ARHGAP15: variants seen among roughly 807,000 people sequenced by gnomAD.
The protein encoded by ARHGAP15 is rho GTPase-activating protein 15.
ARHGAP15 carries 51 observed loss-of-function variants against 63.7 expected under a neutral mutation model. The observed-to-expected ratio is 0.80, with a 90% CI of 0.64 to 1.01. The LOEUF is 1.01. Ranked by LOEUF, ARHGAP15 falls within the 50% of genes least tolerant of loss-of-function variation. The pLI is 0.00. For synonymous variants in ARHGAP15, 191 were observed against 193.8 expected (o/e 0.99, Z 0.12); for missense variants, 560 against 564.6 (o/e 0.99, Z 0.08).
At chr2:143,176,587 T>C (rs1318941637) in intron 2 of ARHGAP15, among the ~76,000 whole-genome samples, 1 of 152,170 alleles carries the variant, frequency 6.6e-6, no homozygotes, top group African/African-American at 2.4e-5. Context: ...CTAAGAATAA[T>C]CATGTACTGC....
intron 6 of ARHGAP15, among the ~76,000 whole-genome samples, chr2:143,414,650 C>T (rs1431984912): frequency 2.0e-5 from 3 of 152,150 alleles, no homozygotes; most frequent in African/African-American, 7.2e-5. Context: ...ATATGAAAAA[C>T]AGGCAGGGCA....
chr2:143,742,683 G>A (rs1379575916), intron 13 of ARHGAP15, among the ~76,000 whole-genome samples: 1 of 152,208 alleles, frequency 6.6e-6, no homozygotes, highest in Admixed American at 6.5e-5. Flanking sequence ...AGTGATGACT[G>A]AGGTGTTTTG....
At chr2:143,428,652 C>G (rs981794770) in intron 6 of ARHGAP15, among the ~76,000 whole-genome samples, 12 of 152,040 alleles carry the variant, frequency 7.9e-5, no homozygotes, top group African/African-American at 2.9e-4. Context: ...CATAATGTTT[C>G]CTCGTGGGTC....
chr2:143,285,890 C>T (rs1682071400), intron 6 of ARHGAP15, among the ~76,000 whole-genome samples: 1 of 152,072 alleles, frequency 6.6e-6, no homozygotes, highest in African/African-American at 2.4e-5. Context: ...AAACATCAAA[C>T]CATTATATAC....
intron 6 of ARHGAP15, among the ~76,000 whole-genome samples, chr2:143,288,622 CTTTT>C (rs35206838): frequency 6.9e-6 from 1 of 145,084 alleles, no homozygotes; most frequent in Non-Finnish European, 1.5e-5. Context: ...CCTCGGGACA[CTTTT>C]TTTTTTTTTG....
At chr2:143,596,302 G>T in intron 11 of ARHGAP15, among the ~76,000 whole-genome samples, 1 of 152,064 alleles carries the variant, frequency 6.6e-6, no homozygotes, top group Non-Finnish European at 1.5e-5. Context: ...AAAACGTGCT[G>T]CTGGAATTAA....
chr2:143,175,125 T>TA (rs1690963076), intron 2 of ARHGAP15, among the ~76,000 whole-genome samples: 1 of 152,098 alleles, frequency 6.6e-6, no homozygotes, highest in South Asian at 2.1e-4. Flanking sequence ...CACAGAGGGT[T>TA]AAAAAATAGC....
At chr2:143,170,567 A>G (rs1180431619) in intron 2 of ARHGAP15, among the ~76,000 whole-genome samples, 1 of 152,074 alleles carries the variant, frequency 6.6e-6, no homozygotes, top group Non-Finnish European at 1.5e-5. Context: ...TACTGCATGC[A>G]TTTGTGGATA....
In ARHGAP15 at chr2:143,373,696, T is replaced by A. The variant is rs1055330817; in HGVS notation, c.475-61905T>A. Among the ~76,000 whole-genome samples, 7 of 137,820 alleles carry A rather than the reference T, an allele frequency of 5.1e-5. No individual in the cohort carries two copies. The Admixed American group carries it at 5.1e-4, about 10-fold the overall frequency. 90.4% of individuals were successfully genotyped at this position (137,820 alleles called of 152,430 possible). A position where few individuals can be genotyped will look rare whatever the true frequency, so the allele number is the denominator to read the frequency against. On this transcript the variant is annotated intron_variant, in intron 6 of 13. Coordinates refer to ENST00000295095, the MANE Select transcript of ARHGAP15 (RefSeq NM_018460.4). ...TCTCAAGCAATATGGAATGGCAAGA[T>A]GAAAGAGCAATTACTTTTGTTGGTA...
intron 9 of ARHGAP15, among the ~76,000 whole-genome samples, chr2:143,507,901 C>A (rs1455872735): frequency 6.6e-6 from 1 of 152,084 alleles, no homozygotes; most frequent in Non-Finnish European, 1.5e-5. Context: ...CTTACCCAAG[C>A]ACCATCATCT....
At chr2:143,431,825 C>T (rs1037052815) in intron 6 of ARHGAP15, among the ~76,000 whole-genome samples, 1 of 151,974 alleles carries the variant, frequency 6.6e-6, no homozygotes, top group African/African-American at 2.4e-5. Context: ...GTCATGAACG[C>T]ATCCTCTCTA....
chr2:143,471,117 A>G (rs1010217678), intron 8 of ARHGAP15, among the ~76,000 whole-genome samples: 1 of 148,330 alleles, frequency 6.7e-6, no homozygotes, highest in Non-Finnish European at 1.5e-5. Flanking sequence ...ATATACACAC[A>G]TATACACATA....
intron 10 of ARHGAP15, among the ~76,000 whole-genome samples, chr2:143,534,548 C>CGT: frequency 2.0e-5 from 1 of 49,668 alleles, no homozygotes; most frequent in Non-Finnish European, 4.5e-5. Context: ...GGGAGAATGC[C>CGT]ATGAAATATT....
intron 10 of ARHGAP15, among the ~76,000 whole-genome samples, chr2:143,544,029 T>C (rs1695220927): frequency 6.6e-6 from 1 of 152,182 alleles, no homozygotes; most frequent in Admixed American, 6.5e-5. Context: ...TATACATTTC[T>C]TTTTGTACGA....
At chr2:143,373,629 C>CAAAAAA (rs58153000) in intron 6 of ARHGAP15, among the ~76,000 whole-genome samples, 20 of 62,968 alleles carry the variant, frequency 3.2e-4, no homozygotes, top group Admixed American at 7.6e-4. Context: ...GACTCTATCT[C>CAAAAAA]AAAAAAAAAA....
intron 6 of ARHGAP15, among the ~76,000 whole-genome samples, chr2:143,332,511 C>G (rs1684592626): frequency 6.6e-6 from 1 of 152,112 alleles, no homozygotes; most frequent in Admixed American, 6.5e-5. Flanking sequence ...CACTTCATAA[C>G]AAGACATTGA....
chr2:143,731,467 C>T (rs145896094), intron 13 of ARHGAP15, among the ~76,000 whole-genome samples: 149 of 152,264 alleles, frequency 9.8e-4, no homozygotes, highest in Non-Finnish European at 1.5e-3. Context: ...TCCAGTCATG[C>T]CTCATACATC....
intron 1 of ARHGAP15, among the ~76,000 whole-genome samples, chr2:143,154,958 C>T (rs969326950): frequency 6.6e-6 from 1 of 151,748 alleles, no homozygotes; most frequent in African/African-American, 2.4e-5. Context: ...TTAATTTCCC[C>T]CTGTGAGTAT....
Position 143,657,906 on chromosome 2 carries a change from T to A in ARHGAP15, c.1138+33639T>A, listed in dbSNP as rs529333780. 2.0e-5 allele frequency among the ~76,000 whole-genome samples: 3 copies of A among 152,350 alleles called. No individual in the cohort carries two copies. The South Asian group carries it at 6.2e-4, about 32-fold the overall frequency. On this transcript the variant is annotated intron_variant, in intron 12 of 13. Coordinates refer to ENST00000295095, the MANE Select transcript of ARHGAP15 (RefSeq NM_018460.4). ...AGTACCTCAGTCCTTCTGATTCTGT[T>A]CCTTCAGTTTGGTGTTCCTGTTTTG... is the stretch of plus-strand genomic sequence containing the variant.
Sources: allele counts gnomAD v4.1 joint callset (sites outside exome capture counted in the v4.1 genomes callset), GRCh38; gene constraint gnomAD v4.1.1; transcripts MANE v1.5; gene names NCBI Gene and HGNC (gene_info 2026-07-23, HGNC 2026-07-21).